The following RALGAPA2 variants were observed in gnomAD, a reference collection of about 807,000 sequenced individuals.
The protein encoded by RALGAPA2 is ral GTPase-activating protein subunit alpha-2.
Under a neutral mutation model 230.4 loss-of-function variants are expected in RALGAPA2, and 139 were observed. The ratio of observed to expected loss-of-function variants is 0.60; its 90% CI spans 0.53 to 0.69. RALGAPA2 has a LOEUF of 0.69. Ranked by LOEUF, RALGAPA2 falls within the 30% of genes least tolerant of loss-of-function variation. The pLI is 0.00. For missense variants in RALGAPA2, 2,163 were observed against 2,276.0 expected (o/e 0.95, Z 1.01); for synonymous variants, 847 against 837.8 (o/e 1.01, Z -0.19).
chr20:20,424,738 A>G (rs576198615), intron 37 of RALGAPA2, among the ~76,000 whole-genome samples: 185 of 152,318 alleles, frequency 1.2e-3, no homozygotes, highest in African/African-American at 4.0e-3. Context: ...CCAACATGGC[A>G]CATATATACA....
rs557649765 is a variant in RALGAPA2 at position 20,542,810 on chromosome 20, G to GA, written c.3285+3893dup. ...AAGACCTAAAACCATAAAAACCCTA[G>GA]AAAAAAACCTAGGCAACACCATTCA... On this transcript the variant is annotated intron_variant, in intron 24 of 39. Coordinates refer to ENST00000202677, the MANE Select transcript of RALGAPA2 (RefSeq NM_020343.4). 4.0e-4 allele frequency among the ~76,000 whole-genome samples: 61 copies of GA among 152,002 alleles called. 1 individual carries two copies. The East Asian group carries it at 0.011, about 28-fold the overall frequency.
intron 1 of RALGAPA2, among the ~76,000 whole-genome samples, chr20:20,703,208 G>C (rs909582849): frequency 2.6e-5 from 4 of 151,874 alleles, no homozygotes; most frequent in East Asian, 3.8e-4. Flanking sequence ...TTTTAAAATA[G>C]CTGTGGCTTC....
In RALGAPA2 at chr20:20,611,311, T is replaced by C; in HGVS notation, c.1800+4A>G. 6.2e-7 allele frequency: 1 copy of C among 1,600,036 alleles called. No individual in the cohort carries two copies. Among genetic ancestry groups the C allele is most frequent in the Non-Finnish European group, 8.5e-7 (1 of 1,172,232 alleles). On this transcript the variant is annotated splice_donor_region_variant and intron_variant, in intron 14 of 39. Coordinates refer to ENST00000202677, the MANE Select transcript of RALGAPA2 (RefSeq NM_020343.4). ...TTTGCAGTGCTTTCATAAAAAAGAC[T>C]TACCCTAAATAGTAACCCTGCCAAG...
At chr20:20,456,488 C>T (rs1312802773) in intron 37 of RALGAPA2, among the ~76,000 whole-genome samples, 1 of 152,248 alleles carries the variant, frequency 6.6e-6, no homozygotes, top group East Asian at 1.9e-4. Context: ...TCACTCTCCT[C>T]CCTTGAATCT....
At chr20:20,691,643 C>G (rs1035983026) in intron 1 of RALGAPA2, among the ~76,000 whole-genome samples, 1 of 152,184 alleles carries the variant, frequency 6.6e-6, no homozygotes, top group African/African-American at 2.4e-5. Context: ...AATCCAATGG[C>G]CAATTTTCAC....
At chr20:20,515,537 A>T (rs2062843503) in intron 31 of RALGAPA2, among the ~76,000 whole-genome samples, 1 of 152,238 alleles carries the variant, frequency 6.6e-6, no homozygotes, top group Non-Finnish European at 1.5e-5. Flanking sequence ...TTCAGAATAC[A>T]CATCCCTATG....
intron 10 of RALGAPA2, among the ~76,000 whole-genome samples, chr20:20,628,271 T>C (rs1352541301): frequency 6.6e-6 from 1 of 152,146 alleles, no homozygotes; most frequent in Non-Finnish European, 1.5e-5. Flanking sequence ...CCATAAGAAG[T>C]TCTCTGTGGT....
intron 3 of RALGAPA2, among the ~76,000 whole-genome samples, chr20:20,672,640 G>A (rs773689971): frequency 3.3e-5 from 5 of 152,118 alleles, no homozygotes; most frequent in African/African-American, 7.2e-5. Flanking sequence ...AACAGATTGC[G>A]GGAGGAGAAA....
In RALGAPA2 at chr20:20,526,247, C is replaced by T. The variant is rs1360525742; in HGVS notation, c.3693+5G>A. The T allele has an allele frequency of 1.3e-6, 2 of 1,554,608 alleles. No individual in the cohort carries two copies. Among genetic ancestry groups the T allele is most frequent in the South Asian group, 1.2e-5 (1 of 86,204 alleles). On this transcript the variant is annotated splice_donor_5th_base_variant and intron_variant, in intron 28 of 39. Coordinates refer to ENST00000202677, the MANE Select transcript of RALGAPA2 (RefSeq NM_020343.4). The stretch of plus-strand genomic sequence containing the variant: ...TGTTTTAGTATTACAGAAAAAAAGA[C>T]TTACTTCTGCCATTTTCCGAGGCAG...
chr20:20,509,454 TA>T (rs1232461749), intron 33 of RALGAPA2, among the ~76,000 whole-genome samples: 1 of 152,062 alleles, frequency 6.6e-6, no homozygotes, highest in African/African-American at 2.4e-5. Context: ...TTTGTGTTTT[TA>T]AAAAAATGTC....
chr20:20,652,401 T>A (rs1406643992), intron 4 of RALGAPA2, among the ~76,000 whole-genome samples: 3 of 152,222 alleles, frequency 2.0e-5, no homozygotes, highest in African/African-American at 4.8e-5. Context: ...TTTGTTATCA[T>A]CATACTTCTT....
At chr20:20,568,399 T>C in intron 23 of RALGAPA2, among the ~76,000 whole-genome samples, 1 of 152,174 alleles carries the variant, frequency 6.6e-6, no homozygotes, top group East Asian at 1.9e-4. Context: ...AACAGTTGCT[T>C]TGGAATGCAC....
At chr20:20,432,338 T>C (rs1036450310) in intron 37 of RALGAPA2, among the ~76,000 whole-genome samples, 1 of 152,172 alleles carries the variant, frequency 6.6e-6, no homozygotes, top group African/African-American at 2.4e-5. Flanking sequence ...AACCAGGTGA[T>C]TACCATGGGT....
intron 37 of RALGAPA2, among the ~76,000 whole-genome samples, chr20:20,418,179 A>G (rs2060204751): frequency 1.3e-5 from 2 of 152,258 alleles, no homozygotes; most frequent in Non-Finnish European, 1.5e-5. Context: ...GAGCAAATCC[A>G]TAAGAGAAAG....
rs186841111 is a variant in RALGAPA2 at position 20,641,891 on chromosome 20, G to A, written c.373-1013C>T. On this transcript the variant is annotated intron_variant, in intron 5 of 39. Transcript: ENST00000202677. ...CTAAATAAATAAATAAAAATATTCT[G>A]CTTTCTCCCAATAGAAGCCAAAATA... 3.1e-3 allele frequency among the ~76,000 whole-genome samples: 469 copies of A among 151,784 alleles called. 2 individuals carry two copies. Among genetic ancestry groups the A allele is most frequent in the Non-Finnish European group, 4.3e-3 (290 of 67,940 alleles).
chr20:20,402,513 C>T (rs547075175), intron 38 of RALGAPA2, among the ~76,000 whole-genome samples: 64 of 152,320 alleles, frequency 4.2e-4, no homozygotes, highest in Admixed American at 7.2e-4. Flanking sequence ...GGACACGTGG[C>T]TGAGCTCCAC....
chr20:20,435,253 G>A (rs1194265749), intron 37 of RALGAPA2, among the ~76,000 whole-genome samples: 1 of 152,234 alleles, frequency 6.6e-6, no homozygotes, highest in Non-Finnish European at 1.5e-5. Flanking sequence ...TGGGAGGCAT[G>A]GGAGGGACAG....
At position 20,576,529 on chromosome 20, in the gene RALGAPA2, A is replaced by T. The variant is rs185387513; in HGVS notation, c.2708-3461T>A. The stretch of plus-strand genomic sequence containing the variant: ...GAACTTCTCTTAGCCCTGATGTATG[A>T]TATTTTTCCAACATTCTTCAATCTC... On this transcript the variant is annotated intron_variant, in intron 20 of 39. Transcript: ENST00000202677. Among the ~76,000 whole-genome samples, 76 of 152,136 alleles carry T rather than the reference A, an allele frequency of 5.0e-4. 1 individual carries two copies. In the East Asian group the frequency reaches 0.013, roughly 26 times the overall value.
intron 4 of RALGAPA2, among the ~76,000 whole-genome samples, chr20:20,644,179 C>T (rs998860931): frequency 6.6e-6 from 1 of 152,102 alleles, no homozygotes; most frequent in Non-Finnish European, 1.5e-5. Flanking sequence ...GGCAACCCCA[C>T]CTAAATATCT....
Sources: allele counts gnomAD v4.1 joint callset (sites outside exome capture counted in the v4.1 genomes callset), GRCh38; gene constraint gnomAD v4.1.1; transcripts MANE v1.5; gene names NCBI Gene and HGNC (gene_info 2026-07-23, HGNC 2026-07-21).